CAPN15: variants seen among roughly 807,000 people sequenced by gnomAD.
The protein encoded by CAPN15 is calpain-15.
A neutral mutation model predicts 97.9 loss-of-function variants in CAPN15; 53 were observed. The ratio of observed to expected loss-of-function variants is 0.54; its 90% CI spans 0.43 to 0.68. The LOEUF is 0.68. Among genes scored for constraint, CAPN15 ranks in the 30% least tolerant of loss-of-function variants. The pLI is 0.00. For missense variants in CAPN15, 1,592 were observed against 1,589.8 expected, an observed-to-expected ratio of 1.00 and a Z score of -0.02; for synonymous variants, 922 against 722.5, an observed-to-expected ratio of 1.28 and a Z score of -4.43.
Position 552,697 on chromosome 16 carries a change from C to T in CAPN15, c.2830C>T (p.Pro944Ser), listed in dbSNP as rs2035183062. 6.5e-7 allele frequency: 1 copy of T among 1,544,220 alleles called. No individual in the cohort carries two copies. The highest frequency in any genetic ancestry group is 8.7e-7 in the Non-Finnish European group (1 of 1,146,018). The change falls in exon 12 of 14, where the codon CCC (proline) becomes TCC (serine). Residue 944 changes from proline to serine, a missense_variant. Transcript: ENST00000219611. This position sits in a 1 kb window ranked among gnomAD's most constrained non-coding sequence, Gnocchi z 6.4. ...VYSSRLVMVE[P>S]VEAQPTTLAD... The stretch of plus-strand genomic sequence containing the variant: ...CAGCTCGAGGCTGGTCATGGTGGAG[C>T]CCGTGGAAGCCCAGCCGACCACGCT...
Position 547,823 on chromosome 16 carries a change from G to C in CAPN15, c.985G>C (p.Val329Leu), listed in dbSNP as rs1230274628. The C allele has an allele frequency of 5.0e-6, 8 of 1,611,252 alleles. No individual in the cohort carries two copies. The Admixed American group carries it at 1.2e-4, about 24-fold the overall frequency. Residue 329 changes from valine (V) to leucine (L), a missense_variant, in exon 4 of 14, where the codon GTG becomes CTG. Coordinates refer to ENST00000219611, the MANE Select transcript of CAPN15 (RefSeq NM_005632.3). ...CATCATTGACCTGGCCGGAGACACC[G>C]TGCGTTACACGCCCGCCAGCCCCTC... The part of the protein sequence containing the change: ...SDIIDLAGDT[V>L]RYTPASPSSP...
At chr16:549,562 G>A (rs1480192618) in intron 6 of CAPN15, 53 bp from the exon 7 acceptor site, 7 of 1,506,924 alleles carry the variant, frequency 4.6e-6, no homozygotes, top group Non-Finnish European at 6.2e-6. Flanking sequence ...CTTCTCCCAG[G>A]GCGGGTAGTG....
rs184505440 is a variant in CAPN15 at position 528,216 on chromosome 16, C to T, written c.-190+187C>T. ...CGGAGTGGGGTCAGCCCGCCGCCCG[C>T]TGGCGCCTCCAGGCTGGTGGGGGCC... On this transcript the variant is annotated intron_variant, in intron 1 of 13. Coordinates refer to ENST00000219611, the MANE Select transcript of CAPN15 (RefSeq NM_005632.3). 3.2e-4 allele frequency among the ~76,000 whole-genome samples: 49 copies of T among 151,906 alleles called. 1 individual carries two copies. Among genetic ancestry groups the T allele is most frequent in the African/African-American group, 9.6e-4 (40 of 41,498 alleles).
intron 1 of CAPN15, among the ~76,000 whole-genome samples, chr16:533,719 G>A (rs1258401705): frequency 1.3e-5 from 2 of 152,226 alleles, no homozygotes; most frequent in African/African-American, 2.4e-5. Flanking sequence ...TTAAACCAGG[G>A]TAGTGAGGAG....
chr16:536,730 C>G (rs2033763738), intron 3 of CAPN15: 1 of 152,516 alleles, frequency 6.6e-6, no homozygotes, highest in South Asian at 2.1e-4. Context: ...GGCCTGGGAG[C>G]CTTTTCCGTA....
Position 552,613 on chromosome 16 carries a change from C to G in CAPN15, c.2746C>G (p.Pro916Ala). 6.5e-7 allele frequency: 1 copy of G among 1,538,382 alleles called. No homozygotes were observed. The highest frequency in any genetic ancestry group is 8.7e-7 in the Non-Finnish European group (1 of 1,144,248). The change falls in exon 12 of 14, where the codon CCC becomes GCC. Residue 916 changes from proline to alanine, a missense_variant. By Grantham distance (27) the Pro-to-Ala change is conservative (BLOSUM62 -1). This residue lies in a region of CAPN15 where 644 missense variants were observed against 699.6 expected (regional missense o/e 0.92). Coordinates refer to ENST00000219611, the MANE Select transcript of CAPN15 (RefSeq NM_005632.3). The surrounding 1 kb of genome is among the most constrained non-coding windows in gnomAD (Gnocchi z 6.4). ...PGTPAPQASS[P>A]SAGVPRASPE... ...CACGCCCGTCCTTGTAGCCTCCAGC[C>G]CCTCGGCAGGGGTCCCGAGAGCCTC...
chr16:528,688 C>G, intron 1 of CAPN15: 1 of 985,058 alleles, frequency 1.0e-6, no homozygotes, highest in Non-Finnish European at 1.2e-6. Context: ...TCGGGGCCCC[C>G]TTACTGCTCT....
At position 546,909 on chromosome 16, in the gene CAPN15, C is replaced by G. The variant is rs1567148556; in HGVS notation, c.71C>G (p.Ser24Cys). The change falls in exon 4 of 14, where the codon TCC becomes TGC. Residue 24 changes from serine (S) to cysteine (C), a missense_variant. Physicochemically the swap from Ser to Cys is moderately radical, Grantham distance 112. Coordinates refer to ENST00000219611, the MANE Select transcript of CAPN15 (RefSeq NM_005632.3). ...FLNPAGQRQC[S>C]ICEAPRHKPD... ...AACCCGGCCGGCCAGCGCCAGTGCT[C>G]CATCTGCGAGGCTCCCCGGCACAAG... 1 of 1,611,496 alleles carries G rather than the reference C, an allele frequency of 6.2e-7. No homozygotes were observed.
In CAPN15 at chr16:547,579, C is replaced by A; in HGVS notation, c.741C>A (p.Ser247Arg). 1 of 1,581,194 alleles carries A rather than the reference C, an allele frequency of 6.3e-7. No homozygotes were observed. The highest frequency in any genetic ancestry group is 8.6e-7 in the Non-Finnish European group (1 of 1,166,538). The part of the protein sequence containing the change: ...STLQNNPVPR[S>R]RREVPPQLQP... ...TGCAGAACAACCCCGTGCCGCGCAG[C>A]CGACGCGAGGTTCCCCCCCAGCTGC... The change falls in exon 4 of 14, where the codon AGC becomes AGA. Residue 247 changes from serine (S) to arginine (R), a missense_variant. Around this residue, in one of 3 missense-constraint regions of CAPN15, gnomAD observed 883 missense variants for 776.6 expected, o/e 1.14. Transcript: ENST00000219611.
chr16:550,631 C>A (rs567181262), intron 7 of CAPN15, among the ~76,000 whole-genome samples: 2 of 152,114 alleles, frequency 1.3e-5, no homozygotes, highest in African/African-American at 4.8e-5. Context: ...AGTGAGACCC[C>A]CTGTCAGTGA....
rs112729624 is a variant in CAPN15, at chr16:534,187, G to T, written c.-137+189G>T. Reference sequence around the variant, plus strand: ...CGTTCTCCCAGCCGTTTGGGCCGTGGTCCTGTCGTGGGAGGCGACGGTGAG... The same window carrying T: ...CGTTCTCCCAGCCGTTTGGGCCGTGTTCCTGTCGTGGGAGGCGACGGTGAG... On this transcript the variant is annotated intron_variant, in intron 2 of 13. Coordinates refer to ENST00000219611, the MANE Select transcript of CAPN15 (RefSeq NM_005632.3). 8.2e-3 allele frequency among the ~76,000 whole-genome samples: 1,151 copies of T among 139,552 alleles called. 3 individuals carry two copies. Among genetic ancestry groups the T allele is most frequent in the African/African-American group, 9.8e-3 (370 of 37,844 alleles). 91.6% of individuals were successfully genotyped at this position (139,552 alleles called of 152,430 possible).
Position 548,184 on chromosome 16 carries a change from C to T in CAPN15, c.1346C>T (p.Ala449Val), listed in dbSNP as rs1362676989. The T allele has an allele frequency of 6.5e-6, 10 of 1,531,562 alleles. No homozygotes were observed. Among genetic ancestry groups the T allele is most frequent in the East Asian group, 2.5e-5 (1 of 40,430 alleles). 94.9% of individuals were successfully genotyped at this position (1,531,562 alleles called of 1,614,324 possible). ...QLLVAQRRGA[A>V]PLRRRESMHV... The stretch of plus-strand genomic sequence containing the variant: ...CTGGTGGCCCAGCGGCGGGGGGCCG[C>T]GCCCCTGAGGCGCAGGGAGAGCATG... The change falls in exon 4 of 14, where the codon GCG becomes GTG. Residue 449 changes from alanine to valine, a missense_variant. Physicochemically the swap from Ala to Val is moderately conservative, Grantham distance 64 (BLOSUM62 0). Coordinates refer to ENST00000219611, the MANE Select transcript of CAPN15 (RefSeq NM_005632.3).
At chr16:534,971 C>T (rs1319453615) in intron 2 of CAPN15, among the ~76,000 whole-genome samples, 2 of 152,084 alleles carry the variant, frequency 1.3e-5, no homozygotes, top group Non-Finnish European at 2.9e-5. Context: ...GGGGAGGGCT[C>T]GGGGGTACAG....
intron 2 of CAPN15, 99 bp downstream of exon 2, chr16:534,097 C>T (rs947495331): frequency 1.2e-5 from 5 of 412,556 alleles, no homozygotes; most frequent in Non-Finnish European, 1.5e-5. Context: ...GGCTGGGGGG[C>T]CTCTCGGAGC....
intron 3 of CAPN15, 55 bp downstream of exon 3, chr16:536,197 G>C: frequency 2.1e-6 from 1 of 469,694 alleles, no homozygotes; most frequent in Non-Finnish European, 2.8e-6. Context: ...TGTCCCTGCT[G>C]TCCTCAGTGG....
chr16:545,721 T>G (rs2034539869), intron 3 of CAPN15, among the ~76,000 whole-genome samples: 1 of 152,196 alleles, frequency 6.6e-6, no homozygotes, highest in Non-Finnish European at 1.5e-5. Flanking sequence ...AGGGAGGGTG[T>G]GTCCCAGGAG....
rs953508317 is a variant in CAPN15, at chr16:552,763, C to T, written c.2896C>T (p.Arg966Trp). The T allele has an allele frequency of 5.2e-6, 8 of 1,529,398 alleles. No homozygotes were observed. The highest frequency in any genetic ancestry group is 2.5e-5 in the East Asian group (1 of 40,578). The allele number at this position is 1,529,398 out of a possible 1,614,324, so 94.7% of individuals were successfully genotyped here. ...CCTGCTCACCGAGAGCCGCGGAGAG[C>T]GGCACGAGGTGGGTGGGGGTCCCGG... ...IILLTESRGERHEGREGMTCY... is the reference protein window; with the variant it reads ...IILLTESRGEWHEGREGMTCY... Residue 966 changes from arginine to tryptophan, a missense_variant, in exon 12 of 14, where the codon CGG becomes TGG. Transcript: ENST00000219611. The surrounding 1 kb of genome is among the most constrained non-coding windows in gnomAD (Gnocchi z 6.4).
chr16:544,502 C>T (rs1398963787), intron 3 of CAPN15, among the ~76,000 whole-genome samples: 2 of 152,144 alleles, frequency 1.3e-5, no homozygotes, highest in African/African-American at 2.4e-5. Flanking sequence ...GTGCTGCTGT[C>T]CCGGCTGCTT....
Position 549,841 on chromosome 16 carries a change from A to G in CAPN15, c.2066+3A>G. On this transcript the variant is annotated splice_donor_region_variant and intron_variant, in intron 7 of 13. Transcript: ENST00000219611. ...ATGCTGAGTTCTAAGGAGGCTGGGTAAGAGGAGGGGCACTGCGTGGTCAGC... is the reference window on the plus strand; with the variant it reads ...ATGCTGAGTTCTAAGGAGGCTGGGTGAGAGGAGGGGCACTGCGTGGTCAGC... 1 of 1,570,810 alleles carries G rather than the reference A, an allele frequency of 6.4e-7. No individual in the cohort carries two copies. Among genetic ancestry groups the G allele is most frequent in the South Asian group, 1.2e-5 (1 of 86,138 alleles).
Sources: allele counts gnomAD v4.1 joint callset (sites outside exome capture counted in the v4.1 genomes callset), GRCh38; gene constraint gnomAD v4.1.1; regional missense constraint gnomAD v4.1.1; non-coding constraint Gnocchi (gnomAD v3.1); transcripts MANE v1.5; gene names NCBI Gene and HGNC (gene_info 2026-07-23, HGNC 2026-07-21).